ADCK1: variants seen among roughly 807,000 people sequenced by gnomAD.
ADCK1 encodes aarF domain-containing protein kinase 1.
ADCK1 carries 41 observed loss-of-function variants against 52.3 expected under a neutral mutation model. The observed-to-expected ratio is 0.78, with a 90% CI of 0.61 to 1.02. The LOEUF is 1.02. Among genes scored for constraint, ADCK1 ranks in the 50% least tolerant of loss-of-function variants. The pLI is 0.00. For synonymous variants in ADCK1, 250 were observed against 274.6 expected (o/e 0.91, Z 0.89); for missense variants, 658 against 679.5 (o/e 0.97, Z 0.35).
intron 5 of ADCK1, among the ~76,000 whole-genome samples, chr14:77,892,534 C>G (rs4903666): frequency 0.37 from 55,733 of 151,796 alleles, 10,948 homozygotes; most frequent in Admixed American, 0.5. Flanking sequence ...TCTGCTATCT[C>G]AGCTTCCTGG....
chr14:77,857,936 T>C (rs939998769), intron 3 of ADCK1, among the ~76,000 whole-genome samples: 3 of 152,162 alleles, frequency 2.0e-5, no homozygotes, highest in African/African-American at 7.2e-5. Context: ...AGGCTTTAGC[T>C]CCTAGAAGGT....
chr14:77,873,153 C>T (rs763347905), intron 4 of ADCK1, among the ~76,000 whole-genome samples: 9 of 152,216 alleles, frequency 5.9e-5, no homozygotes, highest in Non-Finnish European at 1.3e-4. Flanking sequence ...CCCTCCCCAC[C>T]GCTTTCTACC....
chr14:77,854,839 G>A (rs956596121), intron 3 of ADCK1, among the ~76,000 whole-genome samples: 3 of 152,122 alleles, frequency 2.0e-5, no homozygotes, highest in East Asian at 1.9e-4. Context: ...GATTACAGGC[G>A]TCAGCCACCC....
intron 4 of ADCK1, among the ~76,000 whole-genome samples, chr14:77,871,683 G>A (rs2082781639): frequency 6.6e-6 from 1 of 152,072 alleles, no homozygotes; most frequent in Non-Finnish European, 1.5e-5. Flanking sequence ...CCTGAGACTT[G>A]GAAGTCCCAG....
chr14:77,895,734 C>G (rs377693820), intron 5 of ADCK1, among the ~76,000 whole-genome samples: 1 of 152,240 alleles, frequency 6.6e-6, no homozygotes, highest in African/African-American at 2.4e-5. Flanking sequence ...GGCAGCAGCC[C>G]GAACTACTTG....
intron 3 of ADCK1, among the ~76,000 whole-genome samples, chr14:77,835,628 A>G (rs2081944953): frequency 6.6e-6 from 1 of 152,172 alleles, no homozygotes; most frequent in South Asian, 2.1e-4. Context: ...ATTTATTGTC[A>G]GTGATTCTGA....
At chr14:77,932,566 T>C (rs918909079) in intron 10 of ADCK1, among the ~76,000 whole-genome samples, 1 of 152,210 alleles carries the variant, frequency 6.6e-6, no homozygotes, top group Non-Finnish European at 1.5e-5. Flanking sequence ...GAATGGACCA[T>C]TCTGGGAACC....
chr14:77,858,926 AG>A (rs2082481369), intron 3 of ADCK1, 149 bp from the exon 4 acceptor site: 3 of 643,064 alleles, frequency 4.7e-6, no homozygotes, highest in Non-Finnish European at 7.6e-6. Context: ...CCAAGGGAAA[AG>A]GTGTGTGTGT....
At chr14:77,908,199 C>T in intron 7 of ADCK1, 1 of 249,686 alleles carries the variant, frequency 4.0e-6, no homozygotes, top group East Asian at 9.2e-5. Context: ...TAAGCGGCCA[C>T]AGAGAACAAT....
At chr14:77,852,901 ATATATATTTT>A (rs2082335993) in intron 3 of ADCK1, among the ~76,000 whole-genome samples, 1 of 32,150 alleles carries the variant, frequency 3.1e-5, no homozygotes, top group African/African-American at 1.7e-4. Context: ...ATATATATAT[ATATATATTTT>A]TTTTTTTTTT....
At chr14:77,827,955 A>G (rs2081753281) in intron 3 of ADCK1, 2 of 339,930 alleles carry the variant, frequency 5.9e-6, no homozygotes, top group Admixed American at 4.3e-5. Flanking sequence ...CAGCCTCCCA[A>G]GTAGCTGGGA....
At position 77,839,720 on chromosome 14, in the gene ADCK1, G is replaced by A. The variant is rs2082026909; in HGVS notation, c.219+17202G>A. Among the ~76,000 whole-genome samples the A allele has an allele frequency of 2.6e-5, 4 of 152,016 alleles. No individual in the cohort carries two copies. In the South Asian group the frequency reaches 8.3e-4, roughly 32 times the overall value. On this transcript the variant is annotated intron_variant, in intron 3 of 10. Transcript: ENST00000238561. ...AGGCCGATGCAGGTGGATGACGTGA[G>A]ATCAGGAGTTTGAGACCAGCTTGGG...
At chr14:77,836,636 C>T (rs927461646) in intron 3 of ADCK1, among the ~76,000 whole-genome samples, 2 of 152,212 alleles carry the variant, frequency 1.3e-5, no homozygotes, top group South Asian at 2.1e-4. Flanking sequence ...ACCCCCAGGA[C>T]CATGCTGCTG....
chr14:77,852,673 A>ATATATATATATATATATTTATAT (rs2082317744), intron 3 of ADCK1, among the ~76,000 whole-genome samples: 1 of 18,132 alleles, frequency 5.5e-5, no homozygotes, highest in Non-Finnish European at 1.3e-4. Context: ...ATATATATAT[A>ATATATATATATATATATTTATAT]TATATATATA....
Position 77,836,383 on chromosome 14 carries a change from TA to T in ADCK1, c.219+13866del, listed in dbSNP as rs570310774. Among the ~76,000 whole-genome samples the T allele has an allele frequency of 3.5e-3, 539 of 152,376 alleles. 4 individuals are homozygous for T. The highest frequency in any genetic ancestry group is 0.012 in the African/African-American group (510 of 41,592). On this transcript the variant is annotated intron_variant, in intron 3 of 10. Coordinates refer to ENST00000238561, the MANE Select transcript of ADCK1 (RefSeq NM_020421.4). ...CTGCTGCACTGTACTTAGGGGTCTC[TA>T]TTATCTCATTTAATTTTTACAGTAG...
Position 77,818,982 on chromosome 14 carries a change from G to C in ADCK1, c.4G>C (p.Ala2Pro). 1 of 1,613,970 alleles carries C rather than the reference G, an allele frequency of 6.2e-7. No individual in the cohort carries two copies. The highest frequency in any genetic ancestry group is 8.5e-7 in the Non-Finnish European group (1 of 1,179,944). The change falls in exon 2 of 11, where the codon GCC becomes CCC. Residue 2 changes from alanine (A) to proline (P), a missense_variant. Physicochemically the swap from Ala to Pro is conservative, Grantham distance 27 (BLOSUM62 -1). Transcript: ENST00000238561. Reference protein sequence around the residue: MARKALKLASWT... With the variant: MPRKALKLASWT... ...TTTTTCTGCAGGATCTGGCGACATG[G>C]CCAGAAAGGCTCTCAAGCTTGCTTC...
At chr14:77,815,447 C>T (rs923958900) in intron 1 of ADCK1, among the ~76,000 whole-genome samples, 5 of 151,328 alleles carry the variant, frequency 3.3e-5, no homozygotes, top group Admixed American at 1.3e-4. Flanking sequence ...TAGGCCCAAA[C>T]AGTCCTCCCA....
At chr14:77,856,738 C>G (rs1233343751) in intron 3 of ADCK1, among the ~76,000 whole-genome samples, 1 of 152,134 alleles carries the variant, frequency 6.6e-6, no homozygotes, top group African/African-American at 2.4e-5. Flanking sequence ...CAGGTTAAAA[C>G]TCATTACATA....
At chr14:77,830,665 TG>T (rs1247445984) in intron 3 of ADCK1, among the ~76,000 whole-genome samples, 1 of 141,860 alleles carries the variant, frequency 7.0e-6, no homozygotes, top group African/African-American at 2.5e-5. Flanking sequence ...TGTTGGACAG[TG>T]GGTAGAAGTG....
Sources: allele counts gnomAD v4.1 joint callset (sites outside exome capture counted in the v4.1 genomes callset), GRCh38; gene constraint gnomAD v4.1.1; transcripts MANE v1.5; gene names NCBI Gene and HGNC (gene_info 2026-07-23, HGNC 2026-07-21).